LRP1: variants seen among roughly 807,000 people sequenced by gnomAD.
LRP1 encodes the protein LDL receptor related protein 1.
LRP1 carries 51 observed loss-of-function variants against 541.5 expected under a neutral mutation model. The ratio of observed to expected loss-of-function variants is 0.09; its 90% confidence interval spans 0.08 to 0.12. LRP1 has a LOEUF of 0.12. Among genes scored for constraint, LRP1 ranks in the 10% least tolerant of loss-of-function variants. The pLI is 1.00. For synonymous variants in LRP1, 2,219 were observed against 2,470.8 expected (o/e 0.90, Z 3.02); for missense variants, 3,878 against 6,376.2 (o/e 0.61, Z 13.34).
rs1236617228 is a variant in LRP1, at chr12:57,195,177, G to C, written c.8308+76G>C. The C allele has an allele frequency of 2.5e-6, 4 of 1,588,232 alleles. No individual in the cohort carries two copies. The East Asian group carries it at 6.8e-5, about 27-fold the overall frequency. ...CCCACCCAACTCCACCCCACACACA[G>C]ACACCCCTGCAGACGACGGCGAACC... On this transcript the variant is annotated intron_variant, in intron 51 of 88. Transcript: ENST00000243077.
chr12:57,173,132 C>T lies in LRP1; in HGVS notation c.3164-36C>T. 6.4e-7 allele frequency: 1 copy of T among 1,552,870 alleles called. No individual in the cohort carries two copies. Among genetic ancestry groups the T allele is most frequent in the Non-Finnish European group, 8.7e-7 (1 of 1,145,122 alleles). ...GATGAGGAGGGCTGACCTGGGCAACCCCTCCCTCCTGAGGCCCTCCACTGT... is the reference window on the plus strand; with the variant it reads ...GATGAGGAGGGCTGACCTGGGCAACTCCTCCCTCCTGAGGCCCTCCACTGT... On this transcript the variant is annotated intron_variant, in intron 20 of 88. Coordinates refer to ENST00000243077, the MANE Select transcript of LRP1 (RefSeq NM_002332.3). The surrounding 1 kb of genome is among the most constrained non-coding windows in gnomAD (Gnocchi z 4.7).
intron 18 of LRP1, 137 bp from the exon 19 acceptor site, chr12:57,167,307 T>G (rs2035859021): frequency 1.4e-6 from 1 of 708,800 alleles, no homozygotes. Flanking sequence ...GCCGAGGCAC[T>G]GCTGCGGGGC....
chr12:57,179,181 C>A lies in LRP1; in HGVS notation c.4739-148C>A. 1.7e-6 allele frequency: 2 copies of A among 1,193,862 alleles called. No homozygotes were observed. The highest frequency in any genetic ancestry group is 2.2e-5 in the Admixed American group (1 of 44,640). 74.0% of individuals were successfully genotyped at this position (1,193,862 alleles called of 1,614,324 possible). On this transcript the variant is annotated intron_variant, in intron 28 of 88. Transcript: ENST00000243077. The surrounding 1 kb of genome is among the most constrained non-coding windows in gnomAD (Gnocchi z 6.8). ...ACTGTGAGAAGGGGCTGCAGGTCTGCCAGGGGGGCTGCACCCAGCGGGGTA... is the reference window on the plus strand; with the variant it reads ...ACTGTGAGAAGGGGCTGCAGGTCTGACAGGGGGGCTGCACCCAGCGGGGTA...
At position 57,212,938 on chromosome 12, in the gene LRP1, T is replaced by C; in HGVS notation, c.*383T>C. Reference sequence around the variant, plus strand: ...ATCCCTGCTTGCCCGCTCCCACAGCTTCCTGAGGGCTAATTCTGGGAAGGG... The same window carrying C: ...ATCCCTGCTTGCCCGCTCCCACAGCCTCCTGAGGGCTAATTCTGGGAAGGG... On this transcript the variant is annotated 3_prime_UTR_variant, in exon 89 of 89. Coordinates refer to ENST00000243077, the MANE Select transcript of LRP1 (RefSeq NM_002332.3). The surrounding 1 kb of genome is among the most constrained non-coding windows in gnomAD (Gnocchi z 5.0). 1 of 173,268 alleles carries C rather than the reference T, an allele frequency of 5.8e-6. No homozygotes were observed. Among genetic ancestry groups the C allele is most frequent in the Admixed American group, 5.6e-5 (1 of 17,944 alleles). The allele number at this position is 173,268 out of a possible 1,614,324, so 10.7% of individuals were successfully genotyped here.
chr12:57,137,894 C>CCAACTACTA (rs906902078), intron 1 of LRP1, among the ~76,000 whole-genome samples: 4 of 152,132 alleles, frequency 2.6e-5, no homozygotes, highest in African/African-American at 9.7e-5. Flanking sequence ...AATACCATCT[C>CCAACTACTA]CAACTACTAC....
chr12:57,204,339 C>T lies in LRP1; in HGVS notation c.10952-71C>T, dbSNP rs2036722882. The T allele has an allele frequency of 1.4e-6, 2 of 1,451,240 alleles. No individual in the cohort carries two copies. Among genetic ancestry groups the T allele is most frequent in the Non-Finnish European group, 1.8e-6 (2 of 1,096,654 alleles). 89.9% of individuals were successfully genotyped at this position (1,451,240 alleles called of 1,614,324 possible). On this transcript the variant is annotated intron_variant, in intron 70 of 88. Transcript: ENST00000243077. This position sits in a 1 kb window ranked among gnomAD's most constrained non-coding sequence, Gnocchi z 5.3. ...CTGGTGACCCCTCTGAGCCTGGAAC[C>T]CCCACCTGTGGAGACAGGGGTCTGG...
chr12:57,207,937 G>A (rs984824278), intron 76 of LRP1, 101 bp from the exon 77 acceptor site: 24 of 1,324,678 alleles, frequency 1.8e-5, no homozygotes, highest in South Asian at 8.1e-5. Flanking sequence ...GGTCCTGGCT[G>A]TGAGCCTGGG....
At chr12:57,172,834 C>T (rs926393731) in intron 20 of LRP1, among the ~76,000 whole-genome samples, 4 of 152,200 alleles carry the variant, frequency 2.6e-5, no homozygotes, top group Admixed American at 6.5e-5. Flanking sequence ...ACAGGAGGCA[C>T]TCAGTAAACA....
rs2035761993 is a variant in LRP1, at chr12:57,162,768, C to T, written c.2405-90C>T. The T allele has an allele frequency of 7.1e-7, 1 of 1,398,874 alleles. No individual in the cohort carries two copies. The highest frequency in any genetic ancestry group is 1.4e-5 in the African/African-American group (1 of 69,776). The allele number at this position is 1,398,874 out of a possible 1,614,324, so 86.7% of individuals were successfully genotyped here. On this transcript the variant is annotated intron_variant, in intron 14 of 88. Coordinates refer to ENST00000243077, the MANE Select transcript of LRP1 (RefSeq NM_002332.3). This position sits in a 1 kb window ranked among gnomAD's most constrained non-coding sequence, Gnocchi z 5.2. ...TCTCCATATTTCCTCTTTCTGTCCC[C>T]ACATCTTAATGTGTCTCCTCCCCTA...
At position 57,173,235 on chromosome 12, in the gene LRP1, C is replaced by A. The variant is rs2035979837; in HGVS notation, c.3231C>A (p.Pro1077=). Residue 1077 remains proline, a synonymous_variant, in exon 21 of 89, where the codon CCC becomes CCA. Coordinates refer to ENST00000243077, the MANE Select transcript of LRP1 (RefSeq NM_002332.3). The surrounding 1 kb of genome is among the most constrained non-coding windows in gnomAD (Gnocchi z 4.7). ...FQCRLDGLCI[P]LRWRCDGDTD... is the part of the protein sequence containing the mutation. ...GCCGGCTGGATGGACTATGCATCCC[C>A]CTGCGGTGGCGCTGCGATGGGGACA... is the stretch of plus-strand genomic sequence containing the variant. The A allele has an allele frequency of 3.7e-6, 6 of 1,613,990 alleles. No homozygotes were observed. The highest frequency in any genetic ancestry group is 4.2e-6 in the Non-Finnish European group (5 of 1,180,010).
chr12:57,183,888 A>G lies in LRP1; in HGVS notation c.5908A>G (p.Ile1970Val). Residue 1970 changes from isoleucine to valine, a missense_variant, in exon 36 of 89, where the codon ATT (isoleucine) becomes GTT (valine). Coordinates refer to ENST00000243077, the MANE Select transcript of LRP1 (RefSeq NM_002332.3). The surrounding 1 kb of genome is among the most constrained non-coding windows in gnomAD (Gnocchi z 6.1). ...VTNGIGRVEG[I>V]AVDWIAGNIY... ...CAATGGCATTGGCCGTGTGGAGGGCATTGCAGTGGACTGGATCGCAGGTGA... is the reference window on the plus strand; with the variant it reads ...CAATGGCATTGGCCGTGTGGAGGGCGTTGCAGTGGACTGGATCGCAGGTGA... 1 of 1,614,150 alleles carries G rather than the reference A, an allele frequency of 6.2e-7. No individual in the cohort carries two copies. The highest frequency in any genetic ancestry group is 8.5e-7 in the Non-Finnish European group (1 of 1,180,034).
At chr12:57,141,256 C>T in intron 2 of LRP1, 118 bp from the exon 3 acceptor site, 1 of 1,149,590 alleles carries the variant, frequency 8.7e-7, no homozygotes, top group Middle Eastern at 2.1e-4. Flanking sequence ...GTCTAACTAG[C>T]CCCGAGGCCT....
chr12:57,205,495 C>A lies in LRP1; in HGVS notation c.11470+10C>A. 1 of 1,610,680 alleles carries A rather than the reference C, an allele frequency of 6.2e-7. No homozygotes were observed. Among genetic ancestry groups the A allele is most frequent in the Non-Finnish European group, 8.5e-7 (1 of 1,177,654 alleles). ...CAGCCCGGATGCCAAGGTAGGAAAG[C>A]GGGGCAGAGCAGGGGTGGACACCCC... On this transcript the variant is annotated intron_variant, in intron 74 of 88. Transcript: ENST00000243077. The surrounding 1 kb of genome is among the most constrained non-coding windows in gnomAD (Gnocchi z 4.6).
At position 57,190,925 on chromosome 12, in the gene LRP1, C is replaced by T. The variant is rs199694827; in HGVS notation, c.7152C>T (p.Ile2384=). Residue 2384 remains isoleucine, a synonymous_variant, in exon 43 of 89, where the codon ATC becomes ATT. Coordinates refer to ENST00000243077, the MANE Select transcript of LRP1 (RefSeq NM_002332.3). ...TCCGTACCCCCAATGGCCTGGCCATCGACCACCGTGCCGAGAAGCTCTACT... is the reference window on the plus strand; with the variant it reads ...TCCGTACCCCCAATGGCCTGGCCATTGACCACCGTGCCGAGAAGCTCTACT... ...KDIRTPNGLA[I]DHRAEKLYFS... The T allele has an allele frequency of 1.1e-5, 18 of 1,613,470 alleles. No individual in the cohort carries two copies. Among genetic ancestry groups the T allele is most frequent in the Admixed American group, 8.3e-5 (5 of 60,024 alleles).
chr12:57,205,640 G>A lies in LRP1; in HGVS notation c.11553G>A (p.Arg3851=). ...GCGGCCACCTCTGCAGCTGCGCTCG[G>A]AACTTCATGAAGACGCACAACACCT... ...TKGGHLCSCA[R]NFMKTHNTCK... is the part of the protein sequence containing the mutation. The change falls in exon 75 of 89, where the codon CGG becomes CGA. Residue 3851 remains arginine (R), a synonymous_variant. Coordinates refer to ENST00000243077, the MANE Select transcript of LRP1 (RefSeq NM_002332.3). This position sits in a 1 kb window ranked among gnomAD's most constrained non-coding sequence, Gnocchi z 4.6. The A allele has an allele frequency of 6.2e-7, 1 of 1,613,118 alleles. No homozygotes were observed. The highest frequency in any genetic ancestry group is 8.5e-7 in the Non-Finnish European group (1 of 1,180,020).
chr12:57,182,990 A>G (rs1343217318), intron 34 of LRP1, among the ~76,000 whole-genome samples: 2 of 152,208 alleles, frequency 1.3e-5, no homozygotes, highest in African/African-American at 4.8e-5. Flanking sequence ...CAGGCTGAGC[A>G]CCAAACTGGA....
chr12:57,200,367 C>G (rs2036622991), intron 62 of LRP1, 75 bp from the exon 63 acceptor site: 1 of 934,708 alleles, frequency 1.1e-6, no homozygotes, highest in Non-Finnish European at 1.7e-6. Flanking sequence ...TTTGAAACAT[C>G]CAAGCCCCTC....
intron 4 of LRP1, 143 bp from the exon 5 acceptor site, chr12:57,144,829 C>A: frequency 1.2e-6 from 1 of 815,268 alleles, no homozygotes; most frequent in Non-Finnish European, 2.0e-6. Context: ...TTAAGGTTTG[C>A]ACATTTCATG....
rs1565746945 is a variant in LRP1, at chr12:57,195,274, G to A, written c.8312G>A (p.Gly2771Asp). The A allele has an allele frequency of 6.2e-7, 1 of 1,613,708 alleles. No homozygotes were observed. The highest frequency in any genetic ancestry group is 1.7e-5 in the Admixed American group (1 of 60,010). The change falls in exon 52 of 89, where the codon GGC (glycine) becomes GAC (aspartate). Residue 2771 changes from glycine to aspartate, a missense_variant. Gly to Asp is a moderately conservative substitution (Grantham distance 94). Transcript: ENST00000243077. ...GTGGCCCTCTCTCCCCCTACAGAAG[G>A]CAAGACGTGCGGCCCCTCCTCCTTC... Reference protein sequence around the residue: ...DGSDEAAHCEGKTCGPSSFSC... With the variant: ...DGSDEAAHCEDKTCGPSSFSC...
Sources: gnomAD v4.1 joint callset for allele counts (sites outside exome capture counted in the v4.1 genomes callset) on GRCh38, gnomAD v4.1.1 for gene constraint, Gnocchi (gnomAD v3.1) non-coding constraint, MANE v1.5 for transcripts, NCBI Gene and HGNC (gene_info 2026-07-23, HGNC 2026-07-21) for gene names.